The following NTNG1 variants were observed in gnomAD, a reference collection of about 807,000 sequenced individuals.
NTNG1 encodes netrin G1.
A neutral mutation model predicts 54.0 loss-of-function variants in NTNG1; 16 were observed. That is an observed-to-expected ratio of 0.30 (90% CI 0.20 to 0.45). NTNG1 has a LOEUF of 0.45. NTNG1 is among the 20% of genes least tolerant of loss of function. The pLI is 1.00. For missense variants in NTNG1, 530 were observed against 678.7 expected (o/e 0.78, Z 2.43); for synonymous variants, 255 against 263.1 (o/e 0.97, Z 0.30).
At chr1:107,251,020 T>C (rs1427772555) in intron 2 of NTNG1, among the ~76,000 whole-genome samples, 1 of 152,246 alleles carries the variant, frequency 6.6e-6, no homozygotes, top group Non-Finnish European at 1.5e-5. Flanking sequence ...TCTTCAATCA[T>C]GCAAAATAAA....
chr1:107,167,160 A>G (rs1655857918), intron 2 of NTNG1, among the ~76,000 whole-genome samples: 3 of 152,030 alleles, frequency 2.0e-5, no homozygotes, highest in Admixed American at 2.0e-4. Context: ...GATTTATAAA[A>G]TTGCCTAAGT....
At chr1:107,397,744 T>G (rs1475100922) in intron 4 of NTNG1, among the ~76,000 whole-genome samples, 2 of 152,114 alleles carry the variant, frequency 1.3e-5, no homozygotes, top group Non-Finnish European at 2.9e-5. Flanking sequence ...CTTTTTTTTT[T>G]TTCTTTTTAA....
intron 2 of NTNG1, among the ~76,000 whole-genome samples, chr1:107,175,059 T>G (rs77856859): frequency 2.4e-4 from 37 of 152,296 alleles, no homozygotes; most frequent in Admixed American, 5.2e-4. Context: ...TATAATATCT[T>G]CAAATTCGGT....
At chr1:107,468,721 T>C (rs568820332) in intron 7 of NTNG1, among the ~76,000 whole-genome samples, 13 of 152,356 alleles carry the variant, frequency 8.5e-5, no homozygotes, top group African/African-American at 3.1e-4. Context: ...ATCCTTCAGG[T>C]CTTCAGGGCC....
chr1:107,268,557 T>C (rs1273164291), intron 2 of NTNG1, among the ~76,000 whole-genome samples: 1 of 151,950 alleles, frequency 6.6e-6, no homozygotes, highest in African/African-American at 2.4e-5. Flanking sequence ...ACACTGTGTT[T>C]CCTCTTCTCT....
At chr1:107,219,784 C>G (rs1296294407) in intron 2 of NTNG1, among the ~76,000 whole-genome samples, 1 of 152,180 alleles carries the variant, frequency 6.6e-6, no homozygotes, top group East Asian at 1.9e-4. Flanking sequence ...CCAGCACCTA[C>G]TTGGTGGAGG....
chr1:107,418,388 T>A (rs1360389065), intron 5 of NTNG1, among the ~76,000 whole-genome samples: 1 of 152,078 alleles, frequency 6.6e-6, no homozygotes, highest in East Asian at 1.9e-4. Context: ...ATATTTAATG[T>A]CCATTCAATG....
chr1:107,423,970 G>T (rs556186752), intron 5 of NTNG1, among the ~76,000 whole-genome samples: 1 of 152,190 alleles, frequency 6.6e-6, no homozygotes, highest in South Asian at 2.1e-4. Context: ...TTTTTTCAGT[G>T]CTTAGTGTAT....
At chr1:107,313,578 G>C (rs1667154416) in intron 2 of NTNG1, among the ~76,000 whole-genome samples, 1 of 152,266 alleles carries the variant, frequency 6.6e-6, no homozygotes, top group African/African-American at 2.4e-5. Context: ...AGCTAGGAGG[G>C]AAGAGGCCAA....
intron 7 of NTNG1, among the ~76,000 whole-genome samples, chr1:107,477,004 G>A (rs927204989): frequency 1.2e-4 from 18 of 152,248 alleles, no homozygotes; most frequent in African/African-American, 3.4e-4. Flanking sequence ...ATTTTAAAGT[G>A]AGAACAGGAT....
intron 2 of NTNG1, among the ~76,000 whole-genome samples, chr1:107,259,970 G>T (rs924066074): frequency 4.6e-5 from 7 of 152,104 alleles, no homozygotes; most frequent in Non-Finnish European, 1.0e-4. Flanking sequence ...ACTGAGCTAG[G>T]TGAGAGGGAC....
chr1:107,416,499 C>A (rs543692365), intron 5 of NTNG1, among the ~76,000 whole-genome samples: 1 of 152,034 alleles, frequency 6.6e-6, no homozygotes, highest in East Asian at 1.9e-4. Flanking sequence ...GAATGGCCTA[C>A]ATTAATTTTT....
chr1:107,226,263 G>A (rs1660674267), intron 2 of NTNG1, among the ~76,000 whole-genome samples: 1 of 152,066 alleles, frequency 6.6e-6, no homozygotes, highest in African/African-American at 2.4e-5. Context: ...TGACTGAATT[G>A]ATCCCAGATG....
intron 3 of NTNG1, among the ~76,000 whole-genome samples, chr1:107,381,793 A>G (rs2101035352): frequency 6.6e-6 from 1 of 152,362 alleles, no homozygotes; most frequent in East Asian, 1.9e-4. Context: ...TGGGCTACAT[A>G]AAGTCATCAG....
intron 2 of NTNG1, among the ~76,000 whole-genome samples, chr1:107,273,655 T>C (rs984175833): frequency 2.0e-5 from 3 of 152,184 alleles, no homozygotes; most frequent in African/African-American, 7.2e-5. Flanking sequence ...GAAGCTTTTT[T>C]CTCACAGTTC....
rs115838682 is a variant in NTNG1 at position 107,428,028 on chromosome 1, A to C, written c.1088-2722A>C. Reference sequence around the variant, plus strand: ...CAGATTTGGTTTTCTTACTCAGATAAAGTTTTATCAGGTAGATTAAAGCAT... The same window carrying C: ...CAGATTTGGTTTTCTTACTCAGATACAGTTTTATCAGGTAGATTAAAGCAT... On this transcript the variant is annotated intron_variant, in intron 5 of 7. Coordinates refer to ENST00000370068, the MANE Select transcript of NTNG1 (RefSeq NM_001113226.3). Among the ~76,000 whole-genome samples, 374 of 152,218 alleles carry C rather than the reference A, an allele frequency of 2.5e-3. 2 individuals carry two copies. The highest frequency in any genetic ancestry group is 8.5e-3 in the African/African-American group (353 of 41,560).
At chr1:107,344,605 G>C (rs572138800) in intron 3 of NTNG1, among the ~76,000 whole-genome samples, 2 of 152,250 alleles carry the variant, frequency 1.3e-5, no homozygotes, top group African/African-American at 4.8e-5. Flanking sequence ...AAGTCTACTT[G>C]ATGAAGTGTT....
intron 2 of NTNG1, among the ~76,000 whole-genome samples, chr1:107,249,339 G>C (rs1662429226): frequency 6.6e-6 from 1 of 151,496 alleles, no homozygotes; most frequent in Non-Finnish European, 1.5e-5. Flanking sequence ...AAAATTAGCT[G>C]GGCGTAGTGG....
At chr1:107,172,397 C>A (rs1656319159) in intron 2 of NTNG1, among the ~76,000 whole-genome samples, 1 of 152,212 alleles carries the variant, frequency 6.6e-6, no homozygotes, top group Admixed American at 6.5e-5. Context: ...CATTCATAAC[C>A]ATCTCAATGA....
Sources: allele counts gnomAD v4.1 joint callset (sites outside exome capture counted in the v4.1 genomes callset), GRCh38; gene constraint gnomAD v4.1.1; transcripts MANE v1.5; gene names NCBI Gene and HGNC (gene_info 2026-07-23, HGNC 2026-07-21).